TK2: variants seen among roughly 807,000 people sequenced by gnomAD.
TK2 encodes thymidine kinase 2, also known as thymidine kinase 2, mitochondrial.
A neutral mutation model predicts 41.9 loss-of-function variants in TK2; 35 were observed. The observed-to-expected ratio is 0.84, with a 90% CI of 0.64 to 1.11. The LOEUF (loss-of-function observed/expected upper bound fraction) is 1.11. TK2 is among the 50% of genes least tolerant of loss of function. The probability of loss-of-function intolerance (pLI) is 0.00; values close to 1 mark genes in which losing one functional copy is unlikely to be tolerated. For synonymous variants in TK2, 128 were observed against 129.1 expected (o/e 0.99, Z 0.06); for missense variants, 320 against 351.1 (o/e 0.91, Z 0.71).
intron 6 of TK2, among the ~76,000 whole-genome samples, chr16:66,522,938 A>C (rs1250917460): frequency 6.6e-6 from 1 of 152,218 alleles, no homozygotes; most frequent in Non-Finnish European, 1.5e-5. Flanking sequence ...CAATTAACAC[A>C]GCCCTCTCGA....
Position 66,517,067 on chromosome 16 carries a change from G to T in TK2, c.618+69C>A. On this transcript the variant is annotated intron_variant, in intron 8 of 9. Coordinates refer to ENST00000544898, the MANE Select transcript of TK2 (RefSeq NM_004614.5). This position sits in a 1 kb window ranked among gnomAD's most constrained non-coding sequence, Gnocchi z 4.3. Reference sequence around the variant, plus strand: ...AATGATCTCATGGGGGTGGGGCCGGGAGAGGAAGCCGGGTTGGACAGAGGT... The same window carrying T: ...AATGATCTCATGGGGGTGGGGCCGGTAGAGGAAGCCGGGTTGGACAGAGGT... 1 of 1,366,174 alleles carries T rather than the reference G, an allele frequency of 7.3e-7. No homozygotes were observed. The allele number at this position is 1,366,174 out of a possible 1,614,324, so 84.6% of individuals were successfully genotyped here. A position where few individuals can be genotyped will look rare whatever the true frequency, so the allele number is the denominator to read the frequency against.
intron 8 of TK2, 32 bp from the exon 9 acceptor site, chr16:66,513,843 G>A (rs2144340230): frequency 1.3e-6 from 2 of 1,597,618 alleles, no homozygotes; most frequent in Non-Finnish European, 1.7e-6. Flanking sequence ...TCTGTCGGGA[G>A]TGGACAGAGC....
chr16:66,512,445 T>A (rs975968923), intron 9 of TK2, among the ~76,000 whole-genome samples: 6 of 152,124 alleles, frequency 3.9e-5, no homozygotes, highest in Middle Eastern at 3.2e-3. Context: ...CCCTCCTTTT[T>A]TTCCATAATG....
At chr16:66,546,343 G>T (rs1965606858) in intron 2 of TK2, among the ~76,000 whole-genome samples, 1 of 152,212 alleles carries the variant, frequency 6.6e-6, no homozygotes, top group African/African-American at 2.4e-5. Flanking sequence ...ACATTTAAAT[G>T]GGTGAATTTT....
chr16:66,517,756 A>T lies in TK2; in HGVS notation c.538+33T>A. 6.2e-7 allele frequency: 1 copy of T among 1,602,980 alleles called. No homozygotes were observed. Among genetic ancestry groups the T allele is most frequent in the Non-Finnish European group, 8.5e-7 (1 of 1,169,872 alleles). ...CATCCTCAAGGGACCCAGGAGAGAG[A>T]CAAGAGAGGGAGGTGGGAGGGGTGC... On this transcript the variant is annotated intron_variant, in intron 7 of 9. Transcript: ENST00000544898. The surrounding 1 kb of genome is among the most constrained non-coding windows in gnomAD (Gnocchi z 4.3).
In TK2 at chr16:66,538,893, T is replaced by C. The variant is rs535219947; in HGVS notation, c.232-1876A>G. Among the ~76,000 whole-genome samples the C allele has an allele frequency of 7.9e-5, 12 of 152,264 alleles. No individual in the cohort carries two copies. The East Asian group carries it at 2.1e-3, about 27-fold the overall frequency. On this transcript the variant is annotated intron_variant, in intron 3 of 9. Coordinates refer to ENST00000544898, the MANE Select transcript of TK2 (RefSeq NM_004614.5). ...GGCTGGGATCTGGCTGTATCCGGGC[T>C]GGGATCTGGCTGTATCATACACTGG...
Position 66,537,001 on chromosome 16 carries a change from A to C in TK2, c.248T>G (p.Val83Gly). The C allele has an allele frequency of 6.2e-7, 1 of 1,614,142 alleles. No individual in the cohort carries two copies. Among genetic ancestry groups the C allele is most frequent in the Non-Finnish European group, 8.5e-7 (1 of 1,180,016 alleles). The change falls in exon 4 of 10, where the codon GTG (valine) becomes GGG (glycine). Residue 83 changes from valine (V) to glycine (G), a missense_variant. Physicochemically the swap from Val to Gly is moderately radical, Grantham distance 109. Transcript: ENST00000544898. ...ATDVEVLTEP[V>G]SKWRNVRGHN... The stretch of plus-strand genomic sequence containing the variant: ...GCCACGGACATTTCTCCACTTGGAC[A>C]CAGGCTCCGTTAACACCTGGAAGGA...
At chr16:66,528,652 T>C (rs541015415) in intron 6 of TK2, among the ~76,000 whole-genome samples, 2 of 152,212 alleles carry the variant, frequency 1.3e-5, no homozygotes, top group African/African-American at 4.8e-5. Context: ...CTGGGCTGGT[T>C]TGCTGGTCCC....
In TK2 at chr16:66,550,009, C is replaced by G. The variant is rs1487006009; in HGVS notation, c.53G>C (p.Gly18Ala). 3 of 1,541,994 alleles carry G rather than the reference C, an allele frequency of 1.9e-6. No individual in the cohort carries two copies. In the East Asian group the frequency reaches 7.4e-5, roughly 38 times the overall value. ...GWAARALRCF[G>A]PGSRGSPASG... ...GGCCGGGCTCCCGCGACTTCCCGGC[C>G]CAAAGCAGCGCAGCGCCCGGGCGGC... Residue 18 changes from glycine to alanine, a missense_variant, in exon 1 of 10, where the codon GGG (glycine) becomes GCG (alanine). By Grantham distance (60) the Gly-to-Ala change is moderately conservative. Transcript: ENST00000544898.
At position 66,513,683 on chromosome 16, in the gene TK2, C is replaced by T. The variant is rs773431817; in HGVS notation, c.699+48G>A. ...AAGGTGGCTGACATTCCCCGGGTCA[C>T]TCCTCTTTCTAGAACAGTCTCGTAC... On this transcript the variant is annotated intron_variant, in intron 9 of 9. Transcript: ENST00000544898. The T allele has an allele frequency of 6.6e-5, 103 of 1,572,422 alleles. 1 individual carries two copies. The highest frequency in any genetic ancestry group is 6.1e-6 in the Non-Finnish European group (7 of 1,143,308).
intron 1 of TK2, chr16:66,549,361 G>A: frequency 8.8e-7 from 1 of 1,139,206 alleles, no homozygotes; most frequent in Non-Finnish European, 1.1e-6. Context: ...AGTGGGCGGC[G>A]GACGTGGTTT....
At chr16:66,538,119 C>T (rs1349181850) in intron 3 of TK2, among the ~76,000 whole-genome samples, 3 of 152,038 alleles carry the variant, frequency 2.0e-5, no homozygotes, top group African/African-American at 7.2e-5. Context: ...GCCAAGATCG[C>T]GCTACTGCAC....
In TK2 at chr16:66,531,450, G is replaced by A. The variant is rs951036179; in HGVS notation, c.305C>T (p.Ala102Val). The change falls in exon 5 of 10, where the codon GCC (alanine) becomes GTC (valine). Residue 102 changes from alanine to valine, a missense_variant. Coordinates refer to ENST00000544898, the MANE Select transcript of TK2 (RefSeq NM_004614.5). ...CTGTAGCGTAAGACCCCAGCGAGAG[G>A]CATCGTGGTACATCAGGCCCTGCAG... is the stretch of plus-strand genomic sequence containing the variant. ...HNPLGLMYHD[A>V]SRWGLTLQTY... 6.2e-7 allele frequency: 1 copy of A among 1,614,162 alleles called. No homozygotes were observed. The highest frequency in any genetic ancestry group is 8.5e-7 in the Non-Finnish European group (1 of 1,180,020).
At chr16:66,541,983 A>C in intron 2 of TK2, 30 bp from the exon 3 acceptor site, 7 of 1,611,118 alleles carry the variant, frequency 4.3e-6, no homozygotes, top group Non-Finnish European at 5.9e-6. Context: ...TATTAGAGCC[A>C]GAACTCAAGC....
At chr16:66,549,048 A>C (rs758250493) in intron 1 of TK2, 39 bp from the exon 2 acceptor site, 1 of 1,612,650 alleles carries the variant, frequency 6.2e-7, no homozygotes, top group South Asian at 1.1e-5. Flanking sequence ...ACTCACTTTT[A>C]AATAACTCTC....
chr16:66,509,778 C>T lies in TK2; in HGVS notation c.*2190G>A, dbSNP rs1739440411. 1 of 152,836 alleles carries T rather than the reference C, an allele frequency of 6.5e-6. No individual in the cohort carries two copies. The highest frequency in any genetic ancestry group is 1.5e-5 in the Non-Finnish European group (1 of 68,462). The allele number at this position is 152,836 out of a possible 1,614,324, so 9.5% of individuals were successfully genotyped here. ...CTGTTGTGCCCATGTGCCATCTGCCCTTCTCCTGCCCTGGTCCATGGTGTC... is the reference window on the plus strand; with the variant it reads ...CTGTTGTGCCCATGTGCCATCTGCCTTTCTCCTGCCCTGGTCCATGGTGTC... On this transcript the variant is annotated 3_prime_UTR_variant, in exon 10 of 10. Transcript: ENST00000544898.
intron 2 of TK2, among the ~76,000 whole-genome samples, chr16:66,544,211 G>A (rs1180630997): frequency 1.3e-5 from 2 of 152,138 alleles, no homozygotes; most frequent in Non-Finnish European, 2.9e-5. Flanking sequence ...AGCAGGCAAC[G>A]CAGGAAGAAT....
chr16:66,544,232 T>TCC (rs1354075969), intron 2 of TK2, among the ~76,000 whole-genome samples: 6 of 152,048 alleles, frequency 3.9e-5, no homozygotes, highest in Admixed American at 1.3e-4. Context: ...CTCACAAAGT[T>TCC]CCCCTGAAAT....
chr16:66,518,966 T>A (rs879345535), intron 6 of TK2, among the ~76,000 whole-genome samples: 3 of 152,010 alleles, frequency 2.0e-5, no homozygotes, highest in Non-Finnish European at 2.9e-5. Context: ...ATTTATTTTT[T>A]TTTTTTATTT....
Sources: gnomAD v4.1 joint callset for allele counts (sites outside exome capture counted in the v4.1 genomes callset) on GRCh38, gnomAD v4.1.1 for gene constraint, Gnocchi (gnomAD v3.1) non-coding constraint, MANE v1.5 for transcripts, NCBI Gene and HGNC (gene_info 2026-07-23, HGNC 2026-07-21) for gene names.